The following DCLK1 variants were observed in gnomAD, a reference collection of about 807,000 sequenced individuals.
DCLK1 encodes the protein serine/threonine-protein kinase DCLK1.
A neutral mutation model predicts 86.2 loss-of-function variants in DCLK1; 16 were observed. The observed-to-expected ratio is 0.19, with a 90% confidence interval of 0.13 to 0.28. The LOEUF (loss-of-function observed/expected upper bound fraction) is 0.28, where lower values mean the gene tolerates loss of function less well. Among genes scored for constraint, DCLK1 ranks in the 10% least tolerant of loss-of-function variants. The pLI is 1.00. For synonymous variants in DCLK1, 369 were observed against 370.5 expected, an observed-to-expected ratio of 1.00 and a Z score of 0.05; for missense variants, 590 against 940.2, an observed-to-expected ratio of 0.63 and a Z score of 4.87.
At chr13:35,818,991 G>C (rs1030342356) in intron 11 of DCLK1, among the ~76,000 whole-genome samples, 1 of 152,028 alleles carries the variant, frequency 6.6e-6, no homozygotes, top group Non-Finnish European at 1.5e-5. Context: ...CCGTCTAACA[G>C]GCCAGTTGGG....
At chr13:36,097,738 T>C (rs540205618) in intron 3 of DCLK1, among the ~76,000 whole-genome samples, 1 of 152,216 alleles carries the variant, frequency 6.6e-6, no homozygotes, top group African/African-American at 2.4e-5. Context: ...TTAATCTCAA[T>C]GTGTTTAAAG....
intron 4 of DCLK1, among the ~76,000 whole-genome samples, chr13:35,907,089 C>A (rs931799394): frequency 5.3e-5 from 8 of 152,196 alleles, no homozygotes; most frequent in Admixed American, 5.2e-4. Context: ...CTAATCAGAA[C>A]TTGCCAGCTC....
rs112162720 is a variant in DCLK1 at position 35,961,913 on chromosome 13, A to G, written c.724-14456T>C. Among the ~76,000 whole-genome samples the G allele has an allele frequency of 4.8e-3, 735 of 152,384 alleles. 5 individuals are homozygous for G. Among genetic ancestry groups the G allele is most frequent in the African/African-American group, 0.017 (698 of 41,590 alleles). On this transcript the variant is annotated intron_variant, in intron 3 of 16. Coordinates refer to ENST00000360631, the MANE Select transcript of DCLK1 (RefSeq NM_001330071.2). ...ACATAAATAAGGTTAAAATCGTCAT[A>G]CATGATAGCCATAGTTATTGATGCA...
intron 4 of DCLK1, among the ~76,000 whole-genome samples, chr13:35,881,517 T>C (rs1872902160): frequency 6.6e-6 from 1 of 152,226 alleles, no homozygotes; most frequent in Non-Finnish European, 1.5e-5. Context: ...CTCCTTGCTA[T>C]AGCAAGCTCT....
chr13:35,891,134 A>G (rs190949422), intron 4 of DCLK1, among the ~76,000 whole-genome samples: 1 of 152,268 alleles, frequency 6.6e-6, no homozygotes, highest in East Asian at 1.9e-4. Flanking sequence ...AGTATTTTCA[A>G]TGAATGTTCT....
chr13:36,017,395 A>G (rs113249667), intron 3 of DCLK1, among the ~76,000 whole-genome samples: 24 of 152,340 alleles, frequency 1.6e-4, no homozygotes, highest in African/African-American at 5.5e-4. Flanking sequence ...GGGAAAGTCC[A>G]TAACCTTTGG....
At chr13:36,053,626 G>GAT (rs34324005) in intron 3 of DCLK1, among the ~76,000 whole-genome samples, 31,896 of 149,058 alleles carry the variant, frequency 0.21, 3,911 homozygotes, top group Non-Finnish European at 0.28. Flanking sequence ...ATAGTATCAC[G>GAT]ATATATATAT....
intron 5 of DCLK1, among the ~76,000 whole-genome samples, 200 bp downstream of exon 5, chr13:35,871,024 A>G (rs967945766): frequency 1.3e-5 from 2 of 152,156 alleles, no homozygotes; most frequent in Middle Eastern, 3.2e-3. Flanking sequence ...CACTAAGTAC[A>G]TTTTTTGAAG....
intron 13 of DCLK1, among the ~76,000 whole-genome samples, chr13:35,808,669 G>C (rs1176764932): frequency 6.6e-6 from 1 of 152,106 alleles, no homozygotes; most frequent in Non-Finnish European, 1.5e-5. Flanking sequence ...TGTGATCCCA[G>C]CTATTCAGGA....
intron 11 of DCLK1, among the ~76,000 whole-genome samples, chr13:35,812,335 C>T (rs538401750): frequency 3.3e-5 from 5 of 152,190 alleles, no homozygotes; most frequent in Non-Finnish European, 5.9e-5. Flanking sequence ...ACGAATGCCT[C>T]AAGGAAGCAG....
intron 3 of DCLK1, among the ~76,000 whole-genome samples, chr13:36,014,621 C>G (rs952322457): frequency 1.3e-5 from 2 of 152,042 alleles, no homozygotes; most frequent in African/African-American, 4.8e-5. Flanking sequence ...CTTGGAGTTG[C>G]TGGGAAAAAT....
chr13:36,117,842 A>G (rs1255951016), intron 2 of DCLK1, among the ~76,000 whole-genome samples: 1 of 152,154 alleles, frequency 6.6e-6, no homozygotes, highest in East Asian at 1.9e-4. Flanking sequence ...ACAAGGCAGT[A>G]AGTAATAATT....
rs533611683 is a variant in DCLK1, at chr13:35,846,856, A to G, written c.1035+7643T>C. On this transcript the variant is annotated intron_variant, in intron 6 of 16. Coordinates refer to ENST00000360631, the MANE Select transcript of DCLK1 (RefSeq NM_001330071.2). ...TTTATGTAGATATATACACACATACAGCAAGTATATTCAAAATTTGTCAAC... is the reference window on the plus strand; with the variant it reads ...TTTATGTAGATATATACACACATACGGCAAGTATATTCAAAATTTGTCAAC... 3.0e-6 allele frequency: 3 copies of G among 985,262 alleles called. No homozygotes were observed. In the South Asian group the frequency reaches 1.4e-4, roughly 46 times the overall value. 61.0% of individuals were successfully genotyped at this position (985,262 alleles called of 1,614,324 possible).
At chr13:35,877,302 C>T (rs1435054529) in intron 4 of DCLK1, among the ~76,000 whole-genome samples, 1 of 152,158 alleles carries the variant, frequency 6.6e-6, no homozygotes, top group African/African-American at 2.4e-5. Flanking sequence ...GGAGAACCTC[C>T]ACTTAGAAAG....
intron 3 of DCLK1, among the ~76,000 whole-genome samples, chr13:35,951,682 C>CT (rs1220933232): frequency 6.6e-6 from 1 of 152,020 alleles, no homozygotes; most frequent in African/African-American, 2.4e-5. Context: ...TGTTTACAGA[C>CT]TTATGATCCA....
chr13:36,120,995 C>T (rs1191183141), intron 2 of DCLK1, among the ~76,000 whole-genome samples: 1 of 152,154 alleles, frequency 6.6e-6, no homozygotes, highest in Non-Finnish European at 1.5e-5. Flanking sequence ...CTCTACCCAA[C>T]AATATTACTT....
At chr13:35,857,189 A>G (rs1302771275) in intron 5 of DCLK1, among the ~76,000 whole-genome samples, 2 of 152,208 alleles carry the variant, frequency 1.3e-5, no homozygotes, top group African/African-American at 4.8e-5. Flanking sequence ...AGCTCATTTA[A>G]GCAAAGCTAT....
intron 13 of DCLK1, 107 bp downstream of exon 13, chr13:35,808,911 T>G: frequency 1.2e-6 from 1 of 840,108 alleles, no homozygotes; most frequent in East Asian, 2.8e-5. Flanking sequence ...GTAAAGTTCT[T>G]GTGCTCTTTT....
At chr13:35,791,471 GA>G (rs1013249312) in intron 16 of DCLK1, among the ~76,000 whole-genome samples, 8 of 147,692 alleles carry the variant, frequency 5.4e-5, no homozygotes, top group South Asian at 4.3e-4. Flanking sequence ...TGACATTTAG[GA>G]AAAAAAAAAG....
Sources: allele counts gnomAD v4.1 joint callset (sites outside exome capture counted in the v4.1 genomes callset), GRCh38; gene constraint gnomAD v4.1.1; transcripts MANE v1.5; gene names NCBI Gene and HGNC (gene_info 2026-07-23, HGNC 2026-07-21).